Variants in XIRP2 observed in about 807,000 individuals in gnomAD.
XIRP2 encodes xin actin binding repeat containing 2.
A neutral mutation model predicts 277.0 loss-of-function variants in XIRP2; 236 were observed. That is an observed-to-expected ratio of 0.85 (90% CI 0.77 to 0.95). The LOEUF is 0.95. Among genes scored for constraint, XIRP2 ranks in the 40% least tolerant of loss-of-function variants. The pLI is 0.00. For missense variants in XIRP2, 4,640 were observed against 4,157.5 expected (o/e 1.12, Z -3.19); for synonymous variants, 1,490 against 1,416.5 (o/e 1.05, Z -1.17).
intron 2 of XIRP2, among the ~76,000 whole-genome samples, chr2:166,905,188 A>C (rs1447018367): frequency 6.6e-6 from 1 of 152,038 alleles, no homozygotes; most frequent in Non-Finnish European, 1.5e-5. Flanking sequence ...TACACAACAA[A>C]GATAGTTACA....
chr2:167,126,108 C>G lies in XIRP2; in HGVS notation c.409-9801C>G, dbSNP rs112617736. Among the ~76,000 whole-genome samples, 346 of 152,266 alleles carry G rather than the reference C, an allele frequency of 2.3e-3. 4 individuals carry two copies. The highest frequency in any genetic ancestry group is 7.8e-3 in the African/African-American group (323 of 41,552). ...AAAATGAGAGTCCTGAGAGACAGGA[C>G]ACCCTGGCAGAAGCTGCAAGGCTTC... On this transcript the variant is annotated intron_variant, in intron 2 of 10. Transcript: ENST00000409195.
chr2:167,235,624 T>A lies in XIRP2; in HGVS notation c.859-4231T>A, dbSNP rs528925107. Among the ~76,000 whole-genome samples the A allele has an allele frequency of 2.6e-5, 4 of 151,984 alleles. No homozygotes were observed. In the East Asian group the frequency reaches 7.7e-4, roughly 29 times the overall value. On this transcript the variant is annotated intron_variant, in intron 5 of 10. Coordinates refer to ENST00000409195, the MANE Select transcript of XIRP2 (RefSeq NM_152381.6). Reference sequence around the variant, plus strand: ...AAATGTGATAGGTAGATAATACAGATGTGTGCTAATATCACAGGAATAGAA... The same window carrying A: ...AAATGTGATAGGTAGATAATACAGAAGTGTGCTAATATCACAGGAATAGAA...
At chr2:167,254,211 C>G in intron 10 of XIRP2, 46 bp downstream of exon 10, 1 of 1,582,310 alleles carries the variant, frequency 6.3e-7, no homozygotes. Flanking sequence ...AGGAGCTGCA[C>G]TCTATGTATA....
rs760038365 is a variant in XIRP2 at position 167,241,769 on chromosome 2, G to A, written c.1043-8G>A. On this transcript the variant is annotated splice_polypyrimidine_tract_variant and splice_region_variant and intron_variant, in intron 7 of 10. Coordinates refer to ENST00000409195, the MANE Select transcript of XIRP2 (RefSeq NM_152381.6). ...CATAGTAACCCTGGTGTGTTTTTCT[G>A]TTTGTAGTCATTGATACACCTGAGG... The A allele has an allele frequency of 6.3e-7, 1 of 1,597,872 alleles. No homozygotes were observed. The highest frequency in any genetic ancestry group is 8.5e-7 in the Non-Finnish European group (1 of 1,174,294).
At chr2:167,024,969 A>T (rs1688107926) in intron 2 of XIRP2, among the ~76,000 whole-genome samples, 1 of 152,164 alleles carries the variant, frequency 6.6e-6, no homozygotes, top group African/African-American at 2.4e-5. Flanking sequence ...CTGGCCTCAT[A>T]ACATGAGTTA....
chr2:167,151,255 A>T (rs1269082196), intron 3 of XIRP2, among the ~76,000 whole-genome samples: 1 of 152,142 alleles, frequency 6.6e-6, no homozygotes, highest in Non-Finnish European at 1.5e-5. Flanking sequence ...TGATGTCGGA[A>T]GTTGTTAATG....
At chr2:167,188,349 A>G in intron 3 of XIRP2, among the ~76,000 whole-genome samples, 1 of 152,184 alleles carries the variant, frequency 6.6e-6, no homozygotes, top group East Asian at 1.9e-4. Context: ...ACACCAACTA[A>G]AAGCAAGGAC....
intron 2 of XIRP2, among the ~76,000 whole-genome samples, chr2:166,947,851 A>G (rs1018322980): frequency 6.6e-6 from 1 of 152,164 alleles, no homozygotes; most frequent in Non-Finnish European, 1.5e-5. Flanking sequence ...ACTTGGAGGC[A>G]GTAAATATGT....
At chr2:166,891,129 C>T (rs763756323) in intron 1 of XIRP2, among the ~76,000 whole-genome samples, 1 of 152,108 alleles carries the variant, frequency 6.6e-6, no homozygotes, top group Non-Finnish European at 1.5e-5. Flanking sequence ...TTGTGTTTTC[C>T]TTTAATGGAT....
intron 3 of XIRP2, among the ~76,000 whole-genome samples, chr2:167,200,789 T>C (rs1032621689): frequency 6.6e-6 from 1 of 152,004 alleles, no homozygotes; most frequent in African/African-American, 2.4e-5. Flanking sequence ...AGCTGGGAAG[T>C]AGATGTTTAT....
At chr2:166,926,315 T>G (rs1574084046) in intron 2 of XIRP2, among the ~76,000 whole-genome samples, 1 of 152,058 alleles carries the variant, frequency 6.6e-6, no homozygotes, top group Non-Finnish European at 1.5e-5. Context: ...CAATCTATCA[T>G]TATTGAAATA....
rs566218603 is a variant in XIRP2, at chr2:166,978,215, C to T, written c.408+74325C>T. Among the ~76,000 whole-genome samples the T allele has an allele frequency of 5.9e-4, 90 of 152,208 alleles. 3 individuals carry two copies. The South Asian group carries it at 9.1e-3, about 15-fold the overall frequency. On this transcript the variant is annotated intron_variant, in intron 2 of 10. Transcript: ENST00000409195. ...AAGTGTGTATTTGTTTATTTGCACT[C>T]TATTCTGTTTCACTAATCTATTTTT...
chr2:166,962,320 G>C (rs190207534), intron 2 of XIRP2, among the ~76,000 whole-genome samples: 1 of 151,750 alleles, frequency 6.6e-6, no homozygotes, highest in East Asian at 1.9e-4. Context: ...CTAAGTCTAG[G>C]AAACTGTATA....
intron 2 of XIRP2, among the ~76,000 whole-genome samples, chr2:167,074,290 T>C: frequency 6.6e-6 from 1 of 152,136 alleles, no homozygotes; most frequent in Admixed American, 6.5e-5. Context: ...ATGCTAATTA[T>C]TATTGTGTCT....
intron 4 of XIRP2, among the ~76,000 whole-genome samples, chr2:167,213,809 C>A (rs1694133080): frequency 6.6e-6 from 1 of 152,142 alleles, no homozygotes; most frequent in African/African-American, 2.4e-5. Context: ...GCAAGTGGAA[C>A]AAGGAAACCT....
At chr2:166,922,652 C>A (rs1334578124) in intron 2 of XIRP2, among the ~76,000 whole-genome samples, 1 of 151,624 alleles carries the variant, frequency 6.6e-6, no homozygotes, top group Non-Finnish European at 1.5e-5. Context: ...CATACACATA[C>A]ATATATACAC....
chr2:167,003,332 A>C (rs533406801), intron 2 of XIRP2, among the ~76,000 whole-genome samples: 21 of 152,092 alleles, frequency 1.4e-4, no homozygotes, highest in African/African-American at 4.8e-4. Flanking sequence ...GAATTAAATA[A>C]ATTCTGAAAA....
At chr2:167,149,510 A>G (rs1193821905) in intron 3 of XIRP2, among the ~76,000 whole-genome samples, 1 of 152,174 alleles carries the variant, frequency 6.6e-6, no homozygotes, top group Admixed American at 6.5e-5. Flanking sequence ...ATATGTGGCA[A>G]TTCAGGTCAG....
At chr2:167,132,286 C>T (rs1219047422) in intron 2 of XIRP2, among the ~76,000 whole-genome samples, 1 of 152,120 alleles carries the variant, frequency 6.6e-6, no homozygotes, top group African/African-American at 2.4e-5. Context: ...TGTGCGAACA[C>T]ACTTTTAATA....
Sources: allele counts gnomAD v4.1 joint callset (sites outside exome capture counted in the v4.1 genomes callset), GRCh38; gene constraint gnomAD v4.1.1; transcripts MANE v1.5; gene names NCBI Gene and HGNC (gene_info 2026-07-23, HGNC 2026-07-21).